Variants in MAGI1 observed in about 807,000 individuals in gnomAD.
MAGI1 encodes the protein membrane-associated guanylate kinase, WW and PDZ domain-containing protein 1.
MAGI1 carries 58 observed loss-of-function variants against 139.9 expected under a neutral mutation model. That is an observed-to-expected ratio of 0.41 (90% CI 0.34 to 0.52). The LOEUF (loss-of-function observed/expected upper bound fraction) is 0.52, where lower values mean the gene tolerates loss of function less well. MAGI1 is among the 20% of genes least tolerant of loss of function. The probability of loss-of-function intolerance (pLI) is 0.12; values close to 1 mark genes in which losing one functional copy is unlikely to be tolerated. For missense variants in MAGI1, 1,874 were observed against 1,901.6 expected, an observed-to-expected ratio of 0.99 and a Z score of 0.27; for synonymous variants, 812 against 737.9, an observed-to-expected ratio of 1.10 and a Z score of -1.63.
intron 1 of MAGI1, among the ~76,000 whole-genome samples, chr3:65,867,146 A>C (rs2059757281): frequency 6.6e-6 from 1 of 152,164 alleles, no homozygotes; most frequent in Non-Finnish European, 1.5e-5. Context: ...TCAATGAGTT[A>C]ATCTATCCAG....
chr3:65,595,313 C>G (rs1000934123), intron 2 of MAGI1, among the ~76,000 whole-genome samples: 8 of 152,218 alleles, frequency 5.3e-5, no homozygotes, highest in Admixed American at 3.3e-4. Context: ...AAGATCCATA[C>G]AACTGTTTAT....
At chr3:65,465,046 A>G (rs1386747203) in intron 5 of MAGI1, among the ~76,000 whole-genome samples, 1 of 149,436 alleles carries the variant, frequency 6.7e-6, no homozygotes, top group Non-Finnish European at 1.5e-5. Flanking sequence ...TACTGGCATT[A>G]TCATTTTACC....
chr3:65,729,881 A>G (rs1403632269), intron 1 of MAGI1, among the ~76,000 whole-genome samples: 1 of 152,226 alleles, frequency 6.6e-6, no homozygotes, highest in Non-Finnish European at 1.5e-5. Context: ...ATGTAATACA[A>G]TCCTGCTACC....
intron 1 of MAGI1, among the ~76,000 whole-genome samples, chr3:65,756,240 T>C (rs920227365): frequency 1.6e-4 from 25 of 152,148 alleles, no homozygotes; most frequent in Non-Finnish European, 1.5e-5. Flanking sequence ...GAGACTAAAC[T>C]CTTCTAAAGA....
At chr3:65,420,657 C>G (rs1946577157) in intron 12 of MAGI1, among the ~76,000 whole-genome samples, 1 of 152,080 alleles carries the variant, frequency 6.6e-6, no homozygotes, top group African/African-American at 2.4e-5. Context: ...TATTCAAATT[C>G]CACACTTAAA....
At chr3:65,590,842 C>A (rs1159245894) in intron 2 of MAGI1, among the ~76,000 whole-genome samples, 1 of 152,108 alleles carries the variant, frequency 6.6e-6, no homozygotes, top group Non-Finnish European at 1.5e-5. Context: ...TATAAAAAGT[C>A]CATGTTTTTT....
chr3:65,404,277 C>T (rs1384754097), intron 12 of MAGI1, among the ~76,000 whole-genome samples: 1 of 152,134 alleles, frequency 6.6e-6, no homozygotes, highest in Non-Finnish European at 1.5e-5. Context: ...TTGTTAACTA[C>T]ACAAAGCCAA....
intron 1 of MAGI1, among the ~76,000 whole-genome samples, chr3:65,869,011 T>C (rs1055716013): frequency 1.3e-5 from 2 of 152,040 alleles, no homozygotes; most frequent in African/African-American, 4.8e-5. Flanking sequence ...CTCACGCTTG[T>C]AATCCCAGCA....
intron 1 of MAGI1, chr3:65,844,049 C>T (rs979915428): frequency 1.5e-5 from 6 of 413,700 alleles, no homozygotes; most frequent in Non-Finnish European, 2.8e-5. Context: ...TGTCACTTGA[C>T]AGAAGCAATG....
chr3:65,605,673 A>C (rs2082706238), intron 2 of MAGI1, among the ~76,000 whole-genome samples: 1 of 152,192 alleles, frequency 6.6e-6, no homozygotes. Context: ...TGAAGGAGAG[A>C]GAAAAAATAA....
At chr3:66,033,840 T>C (rs2068771439) in intron 1 of MAGI1, among the ~76,000 whole-genome samples, 1 of 152,176 alleles carries the variant, frequency 6.6e-6, no homozygotes, top group South Asian at 2.1e-4. Flanking sequence ...TACACCACTT[T>C]GGGAAACTAC....
At chr3:65,470,190 T>G (rs1950476437) in intron 5 of MAGI1, 93 bp downstream of exon 5, 1 of 824,714 alleles carries the variant, frequency 1.2e-6, no homozygotes, top group African/African-American at 1.7e-5. Context: ...GATCAATCCC[T>G]TAAATGTAAT....
intron 1 of MAGI1, among the ~76,000 whole-genome samples, chr3:65,863,469 T>C (rs535854581): frequency 6.6e-6 from 1 of 152,332 alleles, no homozygotes; most frequent in African/African-American, 2.4e-5. Flanking sequence ...AAGGGCACAT[T>C]CCACGTATCA....
chr3:65,526,138 G>T (rs2078366778), intron 2 of MAGI1, among the ~76,000 whole-genome samples: 1 of 152,086 alleles, frequency 6.6e-6, no homozygotes, highest in Admixed American at 6.5e-5. Flanking sequence ...TATTTATTGT[G>T]CTTTTCCACT....
At chr3:65,795,696 T>TAC (rs10527666) in intron 1 of MAGI1, among the ~76,000 whole-genome samples, 10,090 of 138,928 alleles carry the variant, frequency 0.073, 587 homozygotes, top group African/African-American at 0.16. Flanking sequence ...GATGATAAGA[T>TAC]ACACACACAC....
At chr3:65,537,765 T>C (rs1375469548) in intron 2 of MAGI1, among the ~76,000 whole-genome samples, 5 of 152,192 alleles carry the variant, frequency 3.3e-5, no homozygotes, top group East Asian at 1.9e-4. Context: ...TAGGATCTCA[T>C]GCTGTTCCCC....
At chr3:65,693,151 C>A (rs935126070) in intron 1 of MAGI1, among the ~76,000 whole-genome samples, 8 of 152,060 alleles carry the variant, frequency 5.3e-5, no homozygotes, top group African/African-American at 1.9e-4. Flanking sequence ...CCCTGTGTTG[C>A]CCAGGCTTGT....
At chr3:65,972,364 T>C (rs2065053769) in intron 1 of MAGI1, among the ~76,000 whole-genome samples, 2 of 152,248 alleles carry the variant, frequency 1.3e-5, no homozygotes, top group Admixed American at 1.3e-4. Context: ...GACTACATCT[T>C]GGTAGTTTTA....
intron 1 of MAGI1, among the ~76,000 whole-genome samples, chr3:65,981,382 G>A (rs2065572562): frequency 6.6e-6 from 1 of 152,080 alleles, no homozygotes; most frequent in Non-Finnish European, 1.5e-5. Context: ...GGTAAAATAT[G>A]ACCATTAAGC....
Sources: allele counts gnomAD v4.1 joint callset (sites outside exome capture counted in the v4.1 genomes callset), GRCh38; gene constraint gnomAD v4.1.1; transcripts MANE v1.5; gene names NCBI Gene and HGNC (gene_info 2026-07-23, HGNC 2026-07-21).